TMEFF2: variants seen among roughly 807,000 people sequenced by gnomAD.
TMEFF2 encodes transmembrane protein with EGF like and two follistatin like domains 2, also known as tomoregulin-2.
In TMEFF2, 28 loss-of-function variants were observed where a neutral mutation model predicts 53.8. The ratio of observed to expected loss-of-function variants is 0.52; its 90% confidence interval spans 0.39 to 0.71. The LOEUF is 0.71. Ranked by LOEUF, TMEFF2 falls within the 30% of genes least tolerant of loss-of-function variation. The pLI, the probability that TMEFF2 is intolerant of heterozygous loss-of-function variation, is 0.00. For synonymous variants in TMEFF2, 162 were observed against 166.3 expected, an observed-to-expected ratio of 0.97 and a Z score of 0.20; for missense variants, 353 against 455.2, an observed-to-expected ratio of 0.78 and a Z score of 2.04.
intron 4 of TMEFF2, among the ~76,000 whole-genome samples, chr2:192,097,463 CAAT>C (rs1356785447): frequency 6.6e-6 from 1 of 152,172 alleles, no homozygotes; most frequent in Non-Finnish European, 1.5e-5. Flanking sequence ...TCAATTTAGA[CAAT>C]AATTCACCCA....
intron 4 of TMEFF2, among the ~76,000 whole-genome samples, chr2:192,113,866 C>T (rs1047673649): frequency 6.6e-6 from 1 of 152,014 alleles, no homozygotes; most frequent in Non-Finnish European, 1.5e-5. Context: ...ATTATTATCC[C>T]CATTGCATTG....
At chr2:192,053,776 T>C (rs555554512) in intron 5 of TMEFF2, among the ~76,000 whole-genome samples, 8 of 152,228 alleles carry the variant, frequency 5.3e-5, no homozygotes, top group Non-Finnish European at 8.8e-5. Flanking sequence ...ATCACTCCGC[T>C]ATTGCTTCCT....
intron 4 of TMEFF2, among the ~76,000 whole-genome samples, chr2:192,141,459 G>GAAAAAAA (rs397987092): frequency 1.9e-5 from 2 of 107,234 alleles, no homozygotes; most frequent in Non-Finnish European, 1.8e-5. Flanking sequence ...TCTCAAAAAA[G>GAAAAAAA]AAAAAAAAAA....
rs117732355 is a variant in TMEFF2 at position 191,994,582 on chromosome 2, T to C, written c.745+3680A>G. Among the ~76,000 whole-genome samples the C allele has an allele frequency of 1.2e-3, 183 of 150,896 alleles. 2 individuals carry two copies. The East Asian group carries it at 0.027, about 23-fold the overall frequency. ...GACATGAGGGACACACACACACACA[T>C]ATATACACATATATATGAAAGAAAA... On this transcript the variant is annotated intron_variant, in intron 7 of 9. Coordinates refer to ENST00000272771, the MANE Select transcript of TMEFF2 (RefSeq NM_016192.4).
intron 4 of TMEFF2, among the ~76,000 whole-genome samples, chr2:192,083,503 G>T (rs1013117105): frequency 2.6e-5 from 4 of 151,974 alleles, no homozygotes; most frequent in Admixed American, 2.6e-4. Context: ...TCCTTTTCTG[G>T]CATTCTGCAA....
At chr2:192,004,570 C>G (rs1454206755) in intron 5 of TMEFF2, among the ~76,000 whole-genome samples, 1 of 152,022 alleles carries the variant, frequency 6.6e-6, no homozygotes, top group Non-Finnish European at 1.5e-5. Context: ...CACTTGAGGT[C>G]AGGAATTTGA....
intron 5 of TMEFF2, 135 bp downstream of exon 5, chr2:192,057,542 ATT>A: frequency 1.9e-5 from 13 of 696,210 alleles, no homozygotes; most frequent in South Asian, 6.1e-5. Flanking sequence ...CCTTGCCCTC[ATT>A]TTTTTTTTCA....
chr2:191,975,162 A>G (rs1685683715), intron 7 of TMEFF2, among the ~76,000 whole-genome samples: 1 of 151,016 alleles, frequency 6.6e-6, no homozygotes, highest in Non-Finnish European at 1.5e-5. Context: ...ATAAAAAACT[A>G]GAAGGAAATT....
chr2:192,111,784 CT>C (rs947388154), intron 4 of TMEFF2, among the ~76,000 whole-genome samples: 11 of 152,190 alleles, frequency 7.2e-5, no homozygotes, highest in African/African-American at 2.2e-4. Flanking sequence ...CATGGCCCCC[CT>C]GCTATGTGCA....
intron 7 of TMEFF2, among the ~76,000 whole-genome samples, chr2:191,990,069 C>G (rs1686067326): frequency 6.6e-6 from 1 of 152,106 alleles, no homozygotes; most frequent in Non-Finnish European, 1.5e-5. Context: ...CCACTTCCCT[C>G]AAGCCTTAGC....
intron 3 of TMEFF2, among the ~76,000 whole-genome samples, chr2:192,182,928 T>C (rs939055495): frequency 3.3e-5 from 5 of 152,058 alleles, no homozygotes; most frequent in African/African-American, 7.2e-5. Context: ...ATCCTTAGTA[T>C]GAGAGCAGCA....
At chr2:192,096,819 G>C (rs1294270338) in intron 4 of TMEFF2, among the ~76,000 whole-genome samples, 1 of 151,516 alleles carries the variant, frequency 6.6e-6, no homozygotes, top group Non-Finnish European at 1.5e-5. Flanking sequence ...TGGGATTACA[G>C]GCATCCACCA....
chr2:192,069,988 GTATA>G (rs55800219), intron 4 of TMEFF2, among the ~76,000 whole-genome samples: 232 of 117,896 alleles, frequency 2.0e-3, no homozygotes, highest in African/African-American at 2.4e-3. Flanking sequence ...GTGTGTGTGT[GTATA>G]TATATATATA....
intron 4 of TMEFF2, among the ~76,000 whole-genome samples, chr2:192,131,838 G>C (rs1009102565): frequency 1.8e-4 from 28 of 152,120 alleles, no homozygotes; most frequent in African/African-American, 6.8e-4. Flanking sequence ...AAACTCGACA[G>C]TAGTTCCAAA....
At chr2:192,060,055 T>TTTA (rs1379297732) in intron 4 of TMEFF2, among the ~76,000 whole-genome samples, 1 of 151,472 alleles carries the variant, frequency 6.6e-6, no homozygotes, top group East Asian at 1.9e-4. Flanking sequence ...TTTTTTTTTT[T>TTTA]TAATAAAAAT....
intron 7 of TMEFF2, among the ~76,000 whole-genome samples, chr2:191,983,487 T>C (rs1030448947): frequency 2.6e-5 from 4 of 152,080 alleles, no homozygotes; most frequent in African/African-American, 9.7e-5. Context: ...AGGAGAACTT[T>C]AGTCACCTAA....
chr2:191,964,366 T>C (rs866834161), intron 7 of TMEFF2, among the ~76,000 whole-genome samples: 34 of 89,792 alleles, frequency 3.8e-4, no homozygotes, highest in African/African-American at 1.1e-3. Context: ...CTTTCTTTCT[T>C]TCTTTCTCTT....
chr2:192,037,346 CAG>C (rs1687342898), intron 5 of TMEFF2, among the ~76,000 whole-genome samples: 1 of 119,818 alleles, frequency 8.3e-6, no homozygotes, highest in African/African-American at 3.1e-5. Flanking sequence ...AAACAGAAAA[CAG>C]AAAAAAAAAC....
chr2:192,130,040 G>A (rs1444758834), intron 4 of TMEFF2, among the ~76,000 whole-genome samples: 3 of 152,090 alleles, frequency 2.0e-5, no homozygotes, highest in Admixed American at 2.0e-4. Context: ...AGATTGTATT[G>A]CACTGTGATT....
Sources: gnomAD v4.1 joint callset for allele counts (sites outside exome capture counted in the v4.1 genomes callset) on GRCh38, gnomAD v4.1.1 for gene constraint, MANE v1.5 for transcripts, NCBI Gene and HGNC (gene_info 2026-07-23, HGNC 2026-07-21) for gene names.